GRAMD2B: variants seen among roughly 807,000 people sequenced by gnomAD.
GRAMD2B encodes GRAM domain containing 2B.
A neutral mutation model predicts 59.2 loss-of-function variants in GRAMD2B; 41 were observed. The observed-to-expected ratio is 0.69, with a 90% CI of 0.54 to 0.90. The LOEUF (loss-of-function observed/expected upper bound fraction) is 0.90. Among genes scored for constraint, GRAMD2B ranks in the 40% least tolerant of loss-of-function variants. The pLI is 0.00. For synonymous variants in GRAMD2B, 161 were observed against 182.7 expected (o/e 0.88, Z 0.96); for missense variants, 424 against 500.5 (o/e 0.85, Z 1.46).
intron 1 of GRAMD2B, among the ~76,000 whole-genome samples, chr5:126,414,304 G>A (rs903790986): frequency 6.6e-6 from 1 of 152,086 alleles, no homozygotes; most frequent in African/African-American, 2.4e-5. Context: ...CCCTCTGATA[G>A]GTGTCTTATT....
intron 13 of GRAMD2B, among the ~76,000 whole-genome samples, chr5:126,489,862 A>G (rs1353737676): frequency 6.6e-6 from 1 of 152,252 alleles, no homozygotes; most frequent in East Asian, 1.9e-4. Context: ...GCTTTACATC[A>G]TAGTACAGTT....
At chr5:126,379,570 A>AT (rs1489450043) in intron 1 of GRAMD2B, among the ~76,000 whole-genome samples, 1 of 151,782 alleles carries the variant, frequency 6.6e-6, no homozygotes, top group Non-Finnish European at 1.5e-5. Context: ...AACATCTATT[A>AT]TTTTTTTGAT....
chr5:126,372,040 A>G (rs1754802990), intron 1 of GRAMD2B, among the ~76,000 whole-genome samples: 1 of 152,218 alleles, frequency 6.6e-6, no homozygotes, highest in African/African-American at 2.4e-5. Flanking sequence ...TGGTTCAAGT[A>G]CTTACTGCAT....
chr5:126,400,111 T>C (rs1385878948), intron 1 of GRAMD2B, among the ~76,000 whole-genome samples: 1 of 152,018 alleles, frequency 6.6e-6, no homozygotes, highest in Non-Finnish European at 1.5e-5. Flanking sequence ...TTATCTTCTG[T>C]ATGTCTACTA....
intron 1 of GRAMD2B, among the ~76,000 whole-genome samples, chr5:126,444,573 T>G (rs1461032989): frequency 6.6e-6 from 1 of 152,262 alleles, no homozygotes; most frequent in Non-Finnish European, 1.5e-5. Context: ...ATTCCATATT[T>G]TGTTTCAAAC....
rs543718156 is a variant in GRAMD2B at position 126,490,708 on chromosome 5, C to T, written c.1257+1816C>T. ...TGGGCACTAGCGCAGCACAGCCTGC[C>T]GGTGAAATAGCAGCTCCATGCTGTT... On this transcript the variant is annotated intron_variant, in intron 13 of 13. Transcript: ENST00000285689. Among the ~76,000 whole-genome samples, 163 of 152,316 alleles carry T rather than the reference C, an allele frequency of 1.1e-3. 1 individual carries two copies. Among genetic ancestry groups the T allele is most frequent in the South Asian group, 1.9e-3 (9 of 4,832 alleles).
chr5:126,391,829 A>C (rs1756826272), intron 1 of GRAMD2B, among the ~76,000 whole-genome samples: 6 of 152,298 alleles, frequency 3.9e-5, no homozygotes, highest in Admixed American at 3.9e-4. Context: ...TTGGTGGGGA[A>C]AGTTACACAA....
At chr5:126,456,625 T>C (rs150034333) in intron 1 of GRAMD2B, among the ~76,000 whole-genome samples, 163 of 152,324 alleles carry the variant, frequency 1.1e-3, no homozygotes, top group African/African-American at 3.6e-3. Context: ...CAACTTCCTG[T>C]TTTGATGGAA....
chr5:126,456,387 T>G (rs534775281), intron 1 of GRAMD2B, among the ~76,000 whole-genome samples: 3 of 62,568 alleles, frequency 4.8e-5, no homozygotes, highest in South Asian at 5.6e-4. Context: ...AATTTTTTGT[T>G]TTTTTTTGTA....
intron 1 of GRAMD2B, among the ~76,000 whole-genome samples, chr5:126,366,011 G>A (rs1479759611): frequency 6.6e-6 from 1 of 152,134 alleles, no homozygotes; most frequent in Non-Finnish European, 1.5e-5. Flanking sequence ...TACTGAAGCT[G>A]CAAGATCAAC....
chr5:126,442,251 A>C (rs187380517), intron 1 of GRAMD2B, among the ~76,000 whole-genome samples: 1 of 151,556 alleles, frequency 6.6e-6, no homozygotes, highest in East Asian at 1.9e-4. Flanking sequence ...AAGCAAACTC[A>C]TTCAAACCCC....
intron 1 of GRAMD2B, among the ~76,000 whole-genome samples, chr5:126,444,086 C>T (rs1425760324): frequency 1.3e-5 from 2 of 151,928 alleles, no homozygotes; most frequent in East Asian, 1.9e-4. Flanking sequence ...TCCAGCACTC[C>T]ACCACCACTA....
intron 1 of GRAMD2B, among the ~76,000 whole-genome samples, chr5:126,453,266 T>C (rs1218696810): frequency 1.4e-5 from 2 of 145,306 alleles, no homozygotes; most frequent in Non-Finnish European, 3.0e-5. Flanking sequence ...ACCCAGGAGG[T>C]GGAGGTTGCA....
chr5:126,432,912 A>C (rs896520684), intron 1 of GRAMD2B, among the ~76,000 whole-genome samples: 24 of 152,360 alleles, frequency 1.6e-4, no homozygotes, highest in African/African-American at 5.5e-4. Flanking sequence ...TATATGAGCT[A>C]TAAGAGAAAA....
chr5:126,491,103 C>T (rs548213101), intron 13 of GRAMD2B, among the ~76,000 whole-genome samples: 21 of 152,314 alleles, frequency 1.4e-4, no homozygotes, highest in Middle Eastern at 3.4e-3. Context: ...CATATATTTA[C>T]TGGCCATTTG....
chr5:126,440,922 T>G (rs1763175014), intron 1 of GRAMD2B, among the ~76,000 whole-genome samples: 1 of 152,184 alleles, frequency 6.6e-6, no homozygotes, highest in African/African-American at 2.4e-5. Flanking sequence ...TTTTTTTAAT[T>G]GCATAAAACA....
chr5:126,388,428 C>A (rs544126582), intron 1 of GRAMD2B, among the ~76,000 whole-genome samples: 183 of 151,984 alleles, frequency 1.2e-3, no homozygotes, highest in African/African-American at 4.2e-3. Context: ...TCAACCAAGA[C>A]AAATTTTCTA....
chr5:126,386,091 C>A (rs1756102265), intron 1 of GRAMD2B, among the ~76,000 whole-genome samples: 1 of 152,186 alleles, frequency 6.6e-6, no homozygotes, highest in Admixed American at 6.5e-5. Flanking sequence ...AAATAAAACT[C>A]TCCAGGATTA....
At chr5:126,435,059 G>A (rs551243625) in intron 1 of GRAMD2B, among the ~76,000 whole-genome samples, 2 of 152,200 alleles carry the variant, frequency 1.3e-5, no homozygotes, top group South Asian at 2.1e-4. Flanking sequence ...CTATATCTTC[G>A]CTCTTCTCTA....
Sources: allele counts gnomAD v4.1 joint callset (sites outside exome capture counted in the v4.1 genomes callset), GRCh38; gene constraint gnomAD v4.1.1; transcripts MANE v1.5; gene names NCBI Gene and HGNC (gene_info 2026-07-23, HGNC 2026-07-21).